PCDHGB1: variants seen among roughly 807,000 people sequenced by gnomAD.
PCDHGB1 encodes the protein protocadherin gamma-B1.
PCDHGB1 carries 34 observed loss-of-function variants against 56.6 expected under a neutral mutation model. That is an observed-to-expected ratio of 0.60 (90% CI 0.46 to 0.80). The LOEUF (loss-of-function observed/expected upper bound fraction) is 0.80, where lower values mean the gene tolerates loss of function less well. Among genes scored for constraint, PCDHGB1 ranks in the 30% least tolerant of loss-of-function variants. The pLI, the probability that PCDHGB1 is intolerant of heterozygous loss-of-function variation, is 0.00. For synonymous variants in PCDHGB1, 561 were observed against 505.9 expected (o/e 1.11, Z -1.46); for missense variants, 1,278 against 1,204.6 (o/e 1.06, Z -0.90).
intron 1 of PCDHGB1, chr5:141,360,666 C>T (rs79500662): frequency 0.014 from 21,810 of 1,613,996 alleles, 195 homozygotes; most frequent in Non-Finnish European, 0.016. Context: ...ACAACGAGTA[C>T]TTTGATCTCG....
At chr5:141,478,498 G>T in intron 1 of PCDHGB1, 1 of 1,612,710 alleles carries the variant, frequency 6.2e-7, no homozygotes, top group South Asian at 1.1e-5. Context: ...GCTGTGATCC[G>T]GTGTTCTATA....
intron 1 of PCDHGB1, chr5:141,399,983 C>T (rs767278001): frequency 7.4e-6 from 12 of 1,612,374 alleles, no homozygotes; most frequent in Non-Finnish European, 1.0e-5. Context: ...GGGCTGCGCA[C>T]AGGAGAGGTG....
intron 1 of PCDHGB1, chr5:141,385,078 G>C (rs755613540): frequency 6.2e-7 from 1 of 1,614,222 alleles, no homozygotes. Context: ...CCTGCTGCAG[G>C]CTTCAGAAGG....
chr5:141,386,593 A>G (rs1350788918), intron 1 of PCDHGB1, among the ~76,000 whole-genome samples: 3 of 151,446 alleles, frequency 2.0e-5, no homozygotes, highest in African/African-American at 7.3e-5. Context: ...TGTGGGGGAT[A>G]CATTTTTTTT....
intron 1 of PCDHGB1, chr5:141,403,954 C>A: frequency 6.2e-7 from 1 of 1,613,800 alleles, no homozygotes; most frequent in Non-Finnish European, 8.5e-7. Flanking sequence ...CAAAAGTGCT[C>A]ATTTCGGTGG....
In PCDHGB1 at chr5:141,485,354, G is replaced by C; in HGVS notation, c.2410-9453G>C. 7 of 1,614,176 alleles carry C rather than the reference G, an allele frequency of 4.3e-6. No homozygotes were observed. Among genetic ancestry groups the C allele is most frequent in the Non-Finnish European group, 5.1e-6 (6 of 1,180,024 alleles). Reference sequence around the variant, plus strand: ...CCTGCTGGATACGGACAGTCTGTCAGCTCGCAGGCTGCAGGTCGCTGGAGA... The same window carrying C: ...CCTGCTGGATACGGACAGTCTGTCACCTCGCAGGCTGCAGGTCGCTGGAGA... On this transcript the variant is annotated intron_variant, in intron 1 of 3. Transcript: ENST00000523390. This position sits in a 1 kb window ranked among gnomAD's most constrained non-coding sequence, Gnocchi z 5.7.
intron 1 of PCDHGB1, among the ~76,000 whole-genome samples, chr5:141,460,963 G>A (rs760674165): frequency 3.0e-4 from 27 of 89,804 alleles, no homozygotes; most frequent in Admixed American, 4.3e-4. Context: ...ATATATATAT[G>A]TGTGTGTGTG....
At chr5:141,374,162 G>A in intron 1 of PCDHGB1, 3 of 1,612,514 alleles carry the variant, frequency 1.9e-6, no homozygotes, top group Admixed American at 1.7e-5. Context: ...GTGGGGGGCC[G>A]CGGCAGCGCA....
intron 1 of PCDHGB1, chr5:141,427,502 G>A (rs1276688816): frequency 1.7e-6 from 1 of 576,718 alleles, no homozygotes; most frequent in East Asian, 4.0e-5. Flanking sequence ...TAACAGATGG[G>A]ACCCTGGATT....
At chr5:141,402,854 C>T (rs1589466051) in intron 1 of PCDHGB1, 2 of 1,423,530 alleles carry the variant, frequency 1.4e-6, no homozygotes, top group East Asian at 2.5e-5. Flanking sequence ...CCTCTTTCTT[C>T]TAAGGAAAAG....
At chr5:141,441,981 C>A in intron 1 of PCDHGB1, 1 of 278,140 alleles carries the variant, frequency 3.6e-6, no homozygotes, top group South Asian at 3.6e-5. Context: ...GCCTGGAATG[C>A]GCACCGACGA....
chr5:141,485,866 C>T lies in PCDHGB1; in HGVS notation c.2410-8941C>T. The T allele has an allele frequency of 2.5e-6, 4 of 1,614,144 alleles. No individual in the cohort carries two copies. Among genetic ancestry groups the T allele is most frequent in the Non-Finnish European group, 3.4e-6 (4 of 1,180,014 alleles). On this transcript the variant is annotated intron_variant, in intron 1 of 3. Coordinates refer to ENST00000523390, the MANE Select transcript of PCDHGB1 (RefSeq NM_018922.3). The surrounding 1 kb of genome is among the most constrained non-coding windows in gnomAD (Gnocchi z 5.7). ...CTGGCACCGCAGAGCTCCGGGTATCCGTGCTGGACGTAAACGACAACGCCC... is the reference window on the plus strand; with the variant it reads ...CTGGCACCGCAGAGCTCCGGGTATCTGTGCTGGACGTAAACGACAACGCCC...
intron 1 of PCDHGB1, among the ~76,000 whole-genome samples, chr5:141,462,483 G>T (rs1402125086): frequency 2.0e-5 from 3 of 151,986 alleles, no homozygotes; most frequent in African/African-American, 7.3e-5. Context: ...TCTCGTGGTT[G>T]TTGTATCCTA....
intron 1 of PCDHGB1, chr5:141,372,016 CGCTCAGCGCCAACGTGA>C (rs1768310600): frequency 6.2e-7 from 1 of 1,613,256 alleles, no homozygotes; most frequent in Non-Finnish European, 8.5e-7. Flanking sequence ...GGCTCGCCTA[CGCTCAGCGCCAACGTGA>C]GCCTGCGCGT....
chr5:141,470,550 A>G (rs899475300), intron 1 of PCDHGB1, among the ~76,000 whole-genome samples: 1 of 152,120 alleles, frequency 6.6e-6, no homozygotes, highest in Non-Finnish European at 1.5e-5. Flanking sequence ...ATTTATTGAG[A>G]GTTTCCTCTG....
At chr5:141,420,817 A>G (rs547074952) in intron 1 of PCDHGB1, among the ~76,000 whole-genome samples, 2 of 152,354 alleles carry the variant, frequency 1.3e-5, no homozygotes, top group South Asian at 2.1e-4. Flanking sequence ...AGCCCTTTTA[A>G]TAATTACTCC....
At chr5:141,504,384 C>G (rs2099837898) in intron 2 of PCDHGB1, among the ~76,000 whole-genome samples, 1 of 152,026 alleles carries the variant, frequency 6.6e-6, no homozygotes, top group South Asian at 2.1e-4. Flanking sequence ...GAGTCGCTGC[C>G]TCACAGAAGC....
At chr5:141,365,966 G>A (rs781156882) in intron 1 of PCDHGB1, 24 of 1,614,222 alleles carry the variant, frequency 1.5e-5, no homozygotes, top group Non-Finnish European at 2.0e-5. Flanking sequence ...TAGCAGCAAC[G>A]TGTCGCTGAG....
intron 1 of PCDHGB1, chr5:141,374,260 G>T: frequency 1.2e-6 from 2 of 1,613,998 alleles, no homozygotes; most frequent in Non-Finnish European, 1.7e-6. Flanking sequence ...CCCAGGAGTT[G>T]GCGGAGCACG....
Sources: allele counts gnomAD v4.1 joint callset (sites outside exome capture counted in the v4.1 genomes callset), GRCh38; gene constraint gnomAD v4.1.1; non-coding constraint Gnocchi (gnomAD v3.1); transcripts MANE v1.5; gene names NCBI Gene and HGNC (gene_info 2026-07-23, HGNC 2026-07-21).